Variants in ZCCHC2 observed in about 807,000 individuals in gnomAD.
ZCCHC2 encodes zinc finger CCHC domain-containing protein 2.
Under a neutral mutation model 103.6 loss-of-function variants are expected in ZCCHC2, and 39 were observed. The ratio of observed to expected loss-of-function variants is 0.38; its 90% CI spans 0.29 to 0.49. ZCCHC2 has a LOEUF of 0.49. Among genes scored for constraint, ZCCHC2 ranks in the 20% least tolerant of loss-of-function variants. The pLI is 0.96. For synonymous variants in ZCCHC2, 687 were observed against 608.9 expected (o/e 1.13, Z -1.89); for missense variants, 1,483 against 1,491.0 (o/e 0.99, Z 0.09).
intron 2 of ZCCHC2, among the ~76,000 whole-genome samples, 167 bp downstream of exon 2, chr18:62,539,959 C>T (rs139712799): frequency 1.3e-5 from 2 of 152,306 alleles, no homozygotes; most frequent in Non-Finnish European, 2.9e-5. Context: ...GCCATCTGCA[C>T]GCTGGGTGTT....
rs1916852068 is a variant in ZCCHC2, at chr18:62,576,562, T to C, written c.3520T>C (p.Leu1174=). 2.5e-6 allele frequency: 4 copies of C among 1,613,780 alleles called. No homozygotes were observed. The highest frequency in any genetic ancestry group is 2.5e-6 in the Non-Finnish European group (3 of 1,179,758). Residue 1174 remains leucine (L), a synonymous_variant, in exon 14 of 14, where the codon TTG becomes CTG. Transcript: ENST00000269499. ...APPLPPSNDT[L]DSAD ...TCCCCTCCCCCCTTCTAATGATACG[T>C]TGGATTCTGCAGACTGAAACGAGTA...
At chr18:62,566,923 A>G (rs1916391931) in intron 11 of ZCCHC2, among the ~76,000 whole-genome samples, 1 of 152,234 alleles carries the variant, frequency 6.6e-6, no homozygotes, top group African/African-American at 2.4e-5. Flanking sequence ...AGAGGGAAAC[A>G]TACATTGTAT....
rs567544289 is a variant in ZCCHC2, at chr18:62,565,287, G to A, written c.1846+191G>A. Among the ~76,000 whole-genome samples the A allele has an allele frequency of 9.9e-5, 15 of 152,224 alleles. No individual in the cohort carries two copies. The East Asian group carries it at 2.9e-3, about 29-fold the overall frequency. On this transcript the variant is annotated intron_variant, in intron 11 of 13. Transcript: ENST00000269499. ...GAGTTAATTTAGGGAATACAAACCA[G>A]CCATGGGGGTGGAGATTGCCTTTGC...
In ZCCHC2 at chr18:62,574,208, C is replaced by T. The variant is rs1916705927; in HGVS notation, c.2127C>T (p.Asn709=). The T allele has an allele frequency of 6.2e-7, 1 of 1,613,910 alleles. No individual in the cohort carries two copies. Among genetic ancestry groups the T allele is most frequent in the South Asian group, 1.1e-5 (1 of 91,086 alleles). ...ENGNLLEDPL[N]SPKYQHISFM... ...GAAACCTTTTAGAAGATCCCTTAAA[C>T]TCACCCAAGTATCAGCATATTTCTT... Residue 709 remains asparagine (N), a synonymous_variant, in exon 13 of 14, where the codon AAC becomes AAT. Transcript: ENST00000269499.
chr18:62,565,109 T>G lies in ZCCHC2; in HGVS notation c.1846+13T>G. The G allele has an allele frequency of 6.3e-7, 1 of 1,589,460 alleles. No individual in the cohort carries two copies. The highest frequency in any genetic ancestry group is 8.6e-7 in the Non-Finnish European group (1 of 1,158,542). ...GGTACTGTGAAAGGTAAGAAGGTTA[T>G]TTTTCTTTCAAATACCCATCACATA... On this transcript the variant is annotated intron_variant, in intron 11 of 13. Transcript: ENST00000269499.
In ZCCHC2 at chr18:62,524,445, T is replaced by TGCCCGA. The variant is rs1914253558; in HGVS notation, c.939+87_939+92dup. The TGCCCGA allele has an allele frequency of 2.8e-6, 4 of 1,407,552 alleles. No homozygotes were observed. In the East Asian group the frequency reaches 1.1e-4, roughly 40 times the overall value. 87.2% of individuals were successfully genotyped at this position (1,407,552 alleles called of 1,614,324 possible). The stretch of plus-strand genomic sequence containing the variant: ...CCCGGCCTCGCTCTCGGACGCCCCT[T>TGCCCGA]GCCCGAGCCCCAGCCCGGCGCAGGT... On this transcript the variant is annotated intron_variant, in intron 1 of 13. Transcript: ENST00000269499.
chr18:62,529,183 ATGCTTTTT>A (rs1914577382), intron 1 of ZCCHC2, among the ~76,000 whole-genome samples: 2 of 145,994 alleles, frequency 1.4e-5, no homozygotes, highest in Non-Finnish European at 3.0e-5. Flanking sequence ...AAAAAAAAAG[ATGCTTTTT>A]AAAAATGACC....
At position 62,574,333 on chromosome 18, in the gene ZCCHC2, T is replaced by A. The variant is rs770208198; in HGVS notation, c.2252T>A (p.Leu751His). The A allele has an allele frequency of 6.2e-7, 1 of 1,613,946 alleles. No individual in the cohort carries two copies. Among genetic ancestry groups the A allele is most frequent in the Non-Finnish European group, 8.5e-7 (1 of 1,179,906 alleles). The change falls in exon 13 of 14, where the codon CTT becomes CAT. Residue 751 changes from leucine (L) to histidine (H), a missense_variant. This residue lies in a region of ZCCHC2 where 884 missense variants were observed against 907.5 expected (regional missense o/e 0.97). Coordinates refer to ENST00000269499, the MANE Select transcript of ZCCHC2 (RefSeq NM_017742.6). Reference protein sequence around the residue: ...KPADGKTIGMLVPSPVAISAI... With the variant: ...KPADGKTIGMHVPSPVAISAI... ...GCTGATGGCAAAACCATAGGGATGCTTGTTCCTAGTCCTGTTGCTATTTCT... is the reference window on the plus strand; with the variant it reads ...GCTGATGGCAAAACCATAGGGATGCATGTTCCTAGTCCTGTTGCTATTTCT...
chr18:62,556,096 C>A, intron 5 of ZCCHC2, 107 bp from the exon 6 acceptor site: 3 of 767,304 alleles, frequency 3.9e-6, no homozygotes, highest in South Asian at 2.1e-5. Flanking sequence ...AATATTTTTC[C>A]ATACCTGAAT....
chr18:62,535,552 C>T (rs1023485201), intron 1 of ZCCHC2, among the ~76,000 whole-genome samples: 1 of 152,160 alleles, frequency 6.6e-6, no homozygotes, highest in Non-Finnish European at 1.5e-5. Flanking sequence ...ACAGCTGGGG[C>T]CCAGATGGCA....
downstream of ZCCHC2, among the ~76,000 whole-genome samples, chr18:62,578,750 C>G (rs1916956199): frequency 6.6e-6 from 1 of 152,124 alleles, no homozygotes; most frequent in Non-Finnish European, 1.5e-5. Flanking sequence ...TCTGGATGCT[C>G]CTCAGTTCTT....
At chr18:62,540,066 T>G (rs1367793844) in intron 2 of ZCCHC2, among the ~76,000 whole-genome samples, 2 of 152,200 alleles carry the variant, frequency 1.3e-5, no homozygotes, top group Non-Finnish European at 2.9e-5. Flanking sequence ...TGCATGCTTC[T>G]GGGGGGCAGA....
At chr18:62,552,208 G>C (rs1915695512) in intron 5 of ZCCHC2, 1 of 152,264 alleles carries the variant, frequency 6.6e-6, no homozygotes, top group South Asian at 2.1e-4. Context: ...TCTGAGCTGG[G>C]GAGGAAAGGG....
intron 1 of ZCCHC2, among the ~76,000 whole-genome samples, chr18:62,531,993 A>G (rs780796909): frequency 2.0e-5 from 3 of 152,052 alleles, no homozygotes; most frequent in Non-Finnish European, 4.4e-5. Context: ...CAAAAAGGAG[A>G]GAAGAAAGAG....
chr18:62,573,192 A>G (rs1193456138), intron 12 of ZCCHC2, among the ~76,000 whole-genome samples: 1 of 152,198 alleles, frequency 6.6e-6, no homozygotes, highest in East Asian at 1.9e-4. Flanking sequence ...AAGCAGAAAG[A>G]TTTTTAAATA....
intron 4 of ZCCHC2, among the ~76,000 whole-genome samples, chr18:62,549,195 G>T (rs1915556202): frequency 6.6e-6 from 1 of 152,078 alleles, no homozygotes; most frequent in Non-Finnish European, 1.5e-5. Flanking sequence ...CTCCAGCCTG[G>T]GCAACAGAGC....
At chr18:62,572,183 T>A (rs930627429) in intron 12 of ZCCHC2, among the ~76,000 whole-genome samples, 8 of 152,166 alleles carry the variant, frequency 5.3e-5, no homozygotes, top group Non-Finnish European at 1.0e-4. Context: ...CCCAAAGTGT[T>A]GAGATTATAA....
rs1916719569 is a variant in ZCCHC2, at chr18:62,574,373, T to C, written c.2292T>C (p.Ser764=). ...TTGCTATTTCTGCAATAAGGGAGTC[T>C]GCAAATTCAACCCCTGTTGGAATAC... The part of the protein sequence containing the change: ...SPVAISAIRE[S]ANSTPVGILG... The change falls in exon 13 of 14, where the codon TCT becomes TCC. Residue 764 remains serine, a synonymous_variant. Transcript: ENST00000269499. 6.2e-7 allele frequency: 1 copy of C among 1,614,014 alleles called. No homozygotes were observed. Among genetic ancestry groups the C allele is most frequent in the Non-Finnish European group, 8.5e-7 (1 of 1,179,890 alleles).
chr18:62,524,572 G>C, intron 1 of ZCCHC2: 1 of 686,582 alleles, frequency 1.5e-6, no homozygotes, highest in South Asian at 2.5e-5. Context: ...CACCCCGGCA[G>C]ACACAGCCAC....
Sources: allele counts gnomAD v4.1 joint callset (sites outside exome capture counted in the v4.1 genomes callset), GRCh38; gene constraint gnomAD v4.1.1; regional missense constraint gnomAD v4.1.1; transcripts MANE v1.5; gene names NCBI Gene and HGNC (gene_info 2026-07-23, HGNC 2026-07-21).